Variants in DOCK8 observed in about 807,000 individuals in gnomAD.
The protein encoded by DOCK8 is dedicator of cytokinesis 8, also known as dedicator of cytokinesis protein 8.
DOCK8 carries 141 observed loss-of-function variants against 245.6 expected under a neutral mutation model. That is an observed-to-expected ratio of 0.57 (90% confidence interval 0.50 to 0.66). The LOEUF is 0.66. Ranked by LOEUF, DOCK8 falls within the 30% of genes least tolerant of loss-of-function variation. The pLI, the probability that DOCK8 is intolerant of heterozygous loss-of-function variation, is 0.00. For missense variants in DOCK8, 2,965 were observed against 2,603.4 expected (o/e 1.14, Z -3.02); for synonymous variants, 1,168 against 970.2 (o/e 1.20, Z -3.79).
chr9:416,577 G>A (rs1175310264), intron 29 of DOCK8, among the ~76,000 whole-genome samples: 3 of 152,122 alleles, frequency 2.0e-5, no homozygotes, highest in Admixed American at 6.6e-5. Context: ...ATTGTTATAG[G>A]TTACACAGTA....
chr9:311,784 A>G (rs919493696), intron 5 of DOCK8, among the ~76,000 whole-genome samples, 170 bp from the exon 6 acceptor site: 2 of 152,236 alleles, frequency 1.3e-5, no homozygotes, highest in African/African-American at 4.8e-5. Context: ...TAGTCCAGCC[A>G]GGAAGCTGAG....
intron 1 of DOCK8, among the ~76,000 whole-genome samples, chr9:249,936 A>G (rs1055040296): frequency 2.6e-5 from 4 of 152,048 alleles, no homozygotes; most frequent in Non-Finnish European, 5.9e-5. Flanking sequence ...CTGACGTGCT[A>G]TTACTCTTAC....
chr9:285,824 G>C (rs1413851733), intron 2 of DOCK8, among the ~76,000 whole-genome samples: 2 of 152,172 alleles, frequency 1.3e-5, no homozygotes, highest in African/African-American at 2.4e-5. Flanking sequence ...ATTGCCCTGA[G>C]TTTCCTTGCG....
chr9:287,647 TG>T (rs1489797072), intron 3 of DOCK8, among the ~76,000 whole-genome samples: 1 of 152,232 alleles, frequency 6.6e-6, no homozygotes, highest in East Asian at 1.9e-4. Flanking sequence ...ATAGGAGAAC[TG>T]ACCATATGTG....
At chr9:257,313 A>G (rs771072495) in intron 1 of DOCK8, among the ~76,000 whole-genome samples, 4 of 152,170 alleles carry the variant, frequency 2.6e-5, no homozygotes, top group Non-Finnish European at 4.4e-5. Flanking sequence ...CTTGATTTTC[A>G]AATTAACTAG....
intron 26 of DOCK8, among the ~76,000 whole-genome samples, chr9:400,943 A>ACCATCACCACCACCACCACCAGCT: frequency 9.3e-6 from 1 of 107,880 alleles, no homozygotes; most frequent in Non-Finnish European, 2.2e-5. Flanking sequence ...ATCCACCACC[A>ACCATCACCACCACCACCACCAGCT]CCATCACCAC....
chr9:286,204 A>G (rs1314417291), intron 2 of DOCK8, among the ~76,000 whole-genome samples: 1 of 152,196 alleles, frequency 6.6e-6, no homozygotes, highest in East Asian at 1.9e-4. Flanking sequence ...ATCAAGTTGC[A>G]ATTAAGGAGA....
chr9:369,785 G>A (rs1158092431), intron 15 of DOCK8: 2 of 229,626 alleles, frequency 8.7e-6, no homozygotes, highest in African/African-American at 4.6e-5. Flanking sequence ...GGTGTGCTTG[G>A]GCCAGTTGTA....
rs775488693 is a variant in DOCK8 at position 414,765 on chromosome 9, C to A, written c.3531-17C>A. ...TCCTTTCACCATAACCTCTTGATTCCTGTGTTGTGCCAACAGAATCAGCAA... is the reference window on the plus strand; with the variant it reads ...TCCTTTCACCATAACCTCTTGATTCATGTGTTGTGCCAACAGAATCAGCAA... On this transcript the variant is annotated splice_polypyrimidine_tract_variant and intron_variant, in intron 28 of 47. Coordinates refer to ENST00000432829, the MANE Select transcript of DOCK8 (RefSeq NM_203447.4). 4 of 1,614,018 alleles carry A rather than the reference C, an allele frequency of 2.5e-6. No individual in the cohort carries two copies.
chr9:431,224 T>C (rs1017080373), intron 36 of DOCK8, among the ~76,000 whole-genome samples: 16 of 152,160 alleles, frequency 1.1e-4, no homozygotes, highest in Admixed American at 5.2e-4. Context: ...TCAGCTTTAT[T>C]ATAGAACAGT....
chr9:290,739 T>C (rs2049004293), intron 4 of DOCK8, among the ~76,000 whole-genome samples: 2 of 152,170 alleles, frequency 1.3e-5, no homozygotes. Context: ...TCACAGAACC[T>C]TTGACAAGAC....
At chr9:400,060 T>TCCACCATCACCACCA (rs2054722177) in intron 26 of DOCK8, among the ~76,000 whole-genome samples, 2 of 31,490 alleles carry the variant, frequency 6.4e-5, no homozygotes, top group Non-Finnish European at 1.1e-4. Flanking sequence ...CATCACCACC[T>TCCACCATCACCACCA]CCTTCACCAT....
intron 14 of DOCK8, among the ~76,000 whole-genome samples, chr9:353,939 C>T (rs2052298967): frequency 6.6e-6 from 1 of 152,192 alleles, no homozygotes; most frequent in African/African-American, 2.4e-5. Flanking sequence ...ATAATCAACA[C>T]TGGAACCAAG....
chr9:425,489 G>A (rs552794371), intron 33 of DOCK8, among the ~76,000 whole-genome samples: 25 of 141,200 alleles, frequency 1.8e-4, no homozygotes, highest in South Asian at 8.6e-4. Flanking sequence ...CCAAGATTGC[G>A]CCACTGCACT....
chr9:405,853 A>G (rs1489536368), intron 27 of DOCK8, among the ~76,000 whole-genome samples: 3 of 152,222 alleles, frequency 2.0e-5, no homozygotes, highest in Non-Finnish European at 4.4e-5. Flanking sequence ...TGAACAGGGA[A>G]AGATCTGACT....
intron 20 of DOCK8, 60 bp from the exon 21 acceptor site, chr9:379,711 C>A (rs2053662034): frequency 1.9e-6 from 3 of 1,587,092 alleles, no homozygotes; most frequent in Admixed American, 3.4e-5. Flanking sequence ...GGAGAAACTT[C>A]CACCTCAGGC....
chr9:306,473 G>C (rs923973380), intron 5 of DOCK8, among the ~76,000 whole-genome samples: 1 of 152,180 alleles, frequency 6.6e-6, no homozygotes, highest in African/African-American at 2.4e-5. Flanking sequence ...AGCCACGGTA[G>C]GTATTTCAGC....
chr9:364,219 A>G (rs779462068), intron 14 of DOCK8, among the ~76,000 whole-genome samples: 10 of 152,258 alleles, frequency 6.6e-5, no homozygotes, highest in Non-Finnish European at 1.3e-4. Flanking sequence ...AGAATATGCA[A>G]TACCATGCAC....
intron 1 of DOCK8, among the ~76,000 whole-genome samples, chr9:222,585 T>A (rs1053587653): frequency 1.2e-4 from 18 of 152,210 alleles, no homozygotes; most frequent in African/African-American, 3.9e-4. Flanking sequence ...CTTAAATGCC[T>A]GTAACCTCTT....
Sources: gnomAD v4.1 joint callset for allele counts (sites outside exome capture counted in the v4.1 genomes callset) on GRCh38, gnomAD v4.1.1 for gene constraint, MANE v1.5 for transcripts, NCBI Gene and HGNC (gene_info 2026-07-23, HGNC 2026-07-21) for gene names.